Variants in PCDHGA1 observed in about 807,000 individuals in gnomAD.
The protein encoded by PCDHGA1 is protocadherin gamma-A1.
PCDHGA1 carries 32 observed loss-of-function variants against 58.0 expected under a neutral mutation model. The ratio of observed to expected loss-of-function variants is 0.55; its 90% CI spans 0.42 to 0.74. PCDHGA1 has a LOEUF of 0.74. Ranked by LOEUF, PCDHGA1 falls within the 30% of genes least tolerant of loss-of-function variation. The pLI is 0.00. For synonymous variants in PCDHGA1, 498 were observed against 501.1 expected (o/e 0.99, Z 0.08); for missense variants, 1,205 against 1,182.3 (o/e 1.02, Z -0.28).
chr5:141,414,684 A>G (rs747750994), intron 1 of PCDHGA1: 6 of 1,613,806 alleles, frequency 3.7e-6, no homozygotes, highest in Non-Finnish European at 5.1e-6. Flanking sequence ...TCCAGGGGGT[A>G]CCTCTGTCCT....
In PCDHGA1 at chr5:141,356,944, G is replaced by T. The variant is rs368136545; in HGVS notation, c.2421+23839G>T. The stretch of plus-strand genomic sequence containing the variant: ...TGGTGTGGAGCTGGCACCCCGCTCC[G>T]CAGATTCCGGCTACCTGGTGACCAA... On this transcript the variant is annotated intron_variant, in intron 1 of 3. Coordinates refer to ENST00000517417, the MANE Select transcript of PCDHGA1 (RefSeq NM_018912.3). The T allele has an allele frequency of 1.1e-5, 17 of 1,614,090 alleles. No individual in the cohort carries two copies. In the African/African-American group the frequency reaches 2.3e-4, roughly 22 times the overall value.
At chr5:141,395,138 C>A (rs147992300) in intron 1 of PCDHGA1, 1 of 1,614,204 alleles carries the variant, frequency 6.2e-7, no homozygotes, top group African/African-American at 1.3e-5. Flanking sequence ...AGCCCAACTA[C>A]GCAGACATGC....
At chr5:141,362,375 C>T (rs755032384) in intron 1 of PCDHGA1, 5 of 1,613,922 alleles carry the variant, frequency 3.1e-6, no homozygotes, top group Admixed American at 1.7e-5. Context: ...AGTGAGGGTA[C>T]ATTGCCCTAT....
At chr5:141,464,748 T>C (rs995568259) in intron 1 of PCDHGA1, among the ~76,000 whole-genome samples, 2 of 152,190 alleles carry the variant, frequency 1.3e-5, no homozygotes, top group Admixed American at 1.3e-4. Context: ...TATCTTTTTG[T>C]TTTTTTAGAG....
chr5:141,415,007 G>A (rs369009151), intron 1 of PCDHGA1: 1 of 1,613,654 alleles, frequency 6.2e-7, no homozygotes, highest in South Asian at 1.1e-5. Flanking sequence ...CTGTCCTACC[G>A]TCTGCTCAAG....
At chr5:141,450,551 G>T (rs2098684306) in intron 1 of PCDHGA1, among the ~76,000 whole-genome samples, 1 of 150,822 alleles carries the variant, frequency 6.6e-6, no homozygotes, top group Admixed American at 6.6e-5. Flanking sequence ...CAGTGGCGCA[G>T]TCTCGGCTCA....
In PCDHGA1 at chr5:141,332,064, C is replaced by T. The variant is rs758890374; in HGVS notation, c.1380C>T (p.Tyr460=). 1.9e-6 allele frequency: 3 copies of T among 1,614,146 alleles called. No homozygotes were observed. In the South Asian group the frequency reaches 3.3e-5, roughly 18 times the overall value. ...TCCATCAGGACTCCTACTCTGCCTA[C>T]ATTCCCGAAAACAACCCCAGAGGAG... ...PVFHQDSYSA[Y]IPENNPRGAS... The change falls in exon 1 of 4, where the codon TAC becomes TAT. Residue 460 remains tyrosine, a synonymous_variant. Coordinates refer to ENST00000517417, the MANE Select transcript of PCDHGA1 (RefSeq NM_018912.3). This position sits in a 1 kb window ranked among gnomAD's most constrained non-coding sequence, Gnocchi z 4.6.
At chr5:141,463,367 C>G (rs1437952082) in intron 1 of PCDHGA1, among the ~76,000 whole-genome samples, 1 of 151,748 alleles carries the variant, frequency 6.6e-6, no homozygotes, top group African/African-American at 2.4e-5. Context: ...CCTTTCCTGC[C>G]CCACAGTCTG....
At chr5:141,500,145 T>C (rs2099796736) in intron 2 of PCDHGA1, among the ~76,000 whole-genome samples, 2 of 151,992 alleles carry the variant, frequency 1.3e-5, no homozygotes, top group East Asian at 3.9e-4. Context: ...TAAACTTTTC[T>C]TTGTGTAATC....
chr5:141,366,903 C>G (rs1018569016), intron 1 of PCDHGA1: 1 of 1,174,592 alleles, frequency 8.5e-7, no homozygotes, highest in Non-Finnish European at 1.2e-6. Flanking sequence ...TTCATGCTTT[C>G]TCCATTTGTT....
intron 1 of PCDHGA1, chr5:141,429,265 T>C (rs1297239650): frequency 6.6e-6 from 1 of 152,148 alleles, no homozygotes; most frequent in Non-Finnish European, 1.5e-5. Flanking sequence ...GAGGAATAAA[T>C]TTTTTTCCTG....
chr5:141,387,563 A>C (rs1589038442), intron 1 of PCDHGA1: 1 of 438,342 alleles, frequency 2.3e-6, no homozygotes, highest in East Asian at 3.7e-5. Context: ...TTAGGCACAC[A>C]ATTATAATTA....
intron 1 of PCDHGA1, chr5:141,478,148 C>A: frequency 6.2e-7 from 1 of 1,614,066 alleles, no homozygotes; most frequent in Non-Finnish European, 8.5e-7. Flanking sequence ...AGCCGAGTTC[C>A]CCTCTGGCTC....
intron 1 of PCDHGA1, chr5:141,360,866 A>T: frequency 6.2e-7 from 1 of 1,614,058 alleles, no homozygotes; most frequent in Non-Finnish European, 8.5e-7. Flanking sequence ...GTGTTCAGCC[A>T]GGACGTGTAC....
chr5:141,366,847 A>G, intron 1 of PCDHGA1: 1 of 1,478,860 alleles, frequency 6.8e-7, no homozygotes. Context: ...TTATGTAAAT[A>G]GTGGAACATT....
At chr5:141,365,374 CCTCACCTCTCT>C in intron 1 of PCDHGA1, 1 of 1,613,808 alleles carries the variant, frequency 6.2e-7, no homozygotes, top group African/African-American at 1.3e-5. Context: ...CCGAAGTGAT[CCTCACCTCTCT>C]GACCAGTTCG....
intron 1 of PCDHGA1, chr5:141,397,962 A>T: frequency 1.9e-6 from 2 of 1,037,030 alleles, no homozygotes; most frequent in Admixed American, 2.9e-5. Context: ...CCCAGCTCAG[A>T]CTCCCCAGCG....
chr5:141,389,112 C>T (rs376966829), intron 1 of PCDHGA1: 22 of 1,613,964 alleles, frequency 1.4e-5, no homozygotes, highest in Non-Finnish European at 1.9e-5. Context: ...TGTTCTAGAC[C>T]GCGAGCAGAA....
intron 1 of PCDHGA1, chr5:141,399,103 C>T (rs376000100): frequency 1.5e-5 from 25 of 1,613,604 alleles, no homozygotes; most frequent in East Asian, 6.7e-5. Context: ...ACTGGTTGCA[C>T]AATGTACAGT....
Sources: allele counts gnomAD v4.1 joint callset (sites outside exome capture counted in the v4.1 genomes callset), GRCh38; gene constraint gnomAD v4.1.1; non-coding constraint Gnocchi (gnomAD v3.1); transcripts MANE v1.5; gene names NCBI Gene and HGNC (gene_info 2026-07-23, HGNC 2026-07-21).